The following RALY variants were observed in gnomAD, a reference collection of about 807,000 sequenced individuals.
RALY encodes the protein RALY heterogeneous nuclear ribonucleoprotein, also known as RNA-binding protein Raly.
RALY carries 15 observed loss-of-function variants against 30.7 expected under a neutral mutation model. That is an observed-to-expected ratio of 0.49 (90% CI 0.33 to 0.75). The LOEUF is 0.75. Ranked by LOEUF, RALY falls within the 30% of genes least tolerant of loss-of-function variation. RALY has a pLI of 0.02. For missense variants in RALY, 339 were observed against 414.3 expected (o/e 0.82, Z 1.58); for synonymous variants, 177 against 170.8 (o/e 1.04, Z -0.28).
chr20:33,995,237 G>A (rs1280235918), intron 1 of RALY, among the ~76,000 whole-genome samples: 1 of 152,216 alleles, frequency 6.6e-6, no homozygotes, highest in African/African-American at 2.4e-5. Flanking sequence ...GCAGTTAGAA[G>A]TTGATGGATG....
intron 1 of RALY, among the ~76,000 whole-genome samples, chr20:34,018,731 AAGGT>A (rs2031703049): frequency 6.6e-6 from 1 of 152,108 alleles, no homozygotes; most frequent in Non-Finnish European, 1.5e-5. Context: ...CAAATGCCCC[AAGGT>A]AGGATAGCTG....
chr20:34,057,439 G>A (rs1021337695), intron 2 of RALY, among the ~76,000 whole-genome samples: 11 of 152,050 alleles, frequency 7.2e-5, no homozygotes, highest in Non-Finnish European at 1.5e-4. Context: ...AGGCTGAGGC[G>A]GGCGGATCAC....
intron 1 of RALY, among the ~76,000 whole-genome samples, chr20:34,002,203 A>G (rs2030950579): frequency 1.3e-5 from 2 of 152,222 alleles, no homozygotes; most frequent in Non-Finnish European, 2.9e-5. Flanking sequence ...AGTTGAGCAC[A>G]AGAATAACTT....
chr20:34,025,422 T>C (rs1269539176), intron 1 of RALY, among the ~76,000 whole-genome samples: 1 of 151,956 alleles, frequency 6.6e-6, no homozygotes, highest in East Asian at 1.9e-4. Context: ...CCTCAGCCTC[T>C]GGAGTAGCTG....
Position 34,075,901 on chromosome 20 carries a change from G to A in RALY, c.405G>A (p.Ser135=), listed in dbSNP as rs140889994. 25 of 1,613,766 alleles carry A rather than the reference G, an allele frequency of 1.5e-5. No individual in the cohort carries two copies. Among genetic ancestry groups the A allele is most frequent in the South Asian group, 9.9e-5 (9 of 91,062 alleles). The change falls in exon 6 of 10, where the codon TCG becomes TCA. Residue 135 remains serine, a synonymous_variant. Transcript: ENST00000246194. ...DRLFDYRGRL[S]PVPVPRAVPV... ...TCTTCGACTACCGGGGCCGTCTGTC[G>A]CCCGTGCCAGTGCCCAGGGCGGTCC...
At chr20:34,069,116 T>C (rs552147314) in intron 2 of RALY, among the ~76,000 whole-genome samples, 1 of 152,322 alleles carries the variant, frequency 6.6e-6, no homozygotes, top group Admixed American at 6.5e-5. Flanking sequence ...TCATATGCCA[T>C]GGCTTCTGGC....
At position 33,994,063 on chromosome 20, in the gene RALY, T is replaced by TA. The variant is rs1351126751; in HGVS notation, c.-160dup. 5 of 152,158 alleles carry TA rather than the reference T, an allele frequency of 3.3e-5. No homozygotes were observed. The highest frequency in any genetic ancestry group is 7.2e-5 in the African/African-American group (3 of 41,426). 9.4% of individuals were successfully genotyped at this position (152,158 alleles called of 1,614,324 possible). The stretch of plus-strand genomic sequence containing the variant: ...GCAGCCGCCCTTTTCCTCCCTCCCT[T>TA]ACGTCCCCGAGTGCGGCAGTACCGC... On this transcript the variant is annotated 5_prime_UTR_variant, in exon 1 of 10. Coordinates refer to ENST00000246194, the MANE Select transcript of RALY (RefSeq NM_016732.3).
chr20:34,039,504 TG>T (rs1422896512), intron 2 of RALY, among the ~76,000 whole-genome samples: 2 of 152,222 alleles, frequency 1.3e-5, no homozygotes, highest in African/African-American at 4.8e-5. Context: ...GAAATTTCAT[TG>T]GCCCCTTTTT....
intron 2 of RALY, among the ~76,000 whole-genome samples, chr20:34,046,152 T>C (rs2032872516): frequency 6.6e-6 from 1 of 152,236 alleles, no homozygotes; most frequent in Non-Finnish European, 1.5e-5. Context: ...GCATCCTTGC[T>C]CATGCTATTA....
At chr20:34,034,529 T>G (rs764260010) in intron 2 of RALY, among the ~76,000 whole-genome samples, 1 of 152,208 alleles carries the variant, frequency 6.6e-6, no homozygotes, top group Non-Finnish European at 1.5e-5. Flanking sequence ...TTTTAAAATA[T>G]GAATGATTCC....
intron 2 of RALY, among the ~76,000 whole-genome samples, chr20:34,049,755 T>A (rs2033013356): frequency 6.6e-6 from 1 of 152,224 alleles, no homozygotes; most frequent in Non-Finnish European, 1.5e-5. Context: ...ATGAGGAAAC[T>A]GAGAGAGGTT....
At chr20:34,048,356 T>G (rs2032957391) in intron 2 of RALY, among the ~76,000 whole-genome samples, 1 of 152,154 alleles carries the variant, frequency 6.6e-6, no homozygotes, top group Non-Finnish European at 1.5e-5. Context: ...AGCATATAGC[T>G]GGCTTTGGAA....
chr20:33,995,714 A>T (rs763389254), intron 1 of RALY, among the ~76,000 whole-genome samples: 2 of 152,182 alleles, frequency 1.3e-5, no homozygotes, highest in African/African-American at 2.4e-5. Context: ...ATCTGGTCCA[A>T]CTTTTTCATA....
intron 8 of RALY, 21 bp from the exon 9 acceptor site, chr20:34,078,484 C>T (rs773147361): frequency 5.0e-5 from 78 of 1,569,254 alleles, no homozygotes; most frequent in Non-Finnish European, 6.1e-5. Flanking sequence ...TGTGTGGTCT[C>T]TCTTACCTCC....
intron 2 of RALY, among the ~76,000 whole-genome samples, chr20:34,046,288 G>T (rs1338759013): frequency 6.6e-6 from 1 of 152,138 alleles, no homozygotes; most frequent in Non-Finnish European, 1.5e-5. Flanking sequence ...GTTTGGAGTT[G>T]GATATAGTTG....
chr20:33,995,964 C>T (rs1265809808), intron 1 of RALY, among the ~76,000 whole-genome samples: 1 of 152,154 alleles, frequency 6.6e-6, no homozygotes, highest in Non-Finnish European at 1.5e-5. Context: ...TTTATAGTCC[C>T]CACCCCTTTC....
At chr20:34,047,547 A>G (rs1286668877) in intron 2 of RALY, among the ~76,000 whole-genome samples, 1 of 152,202 alleles carries the variant, frequency 6.6e-6, no homozygotes, top group Non-Finnish European at 1.5e-5. Flanking sequence ...CATCTCTGCC[A>G]TTCAAGACAT....
chr20:34,070,531 A>T (rs1430471684), intron 2 of RALY, among the ~76,000 whole-genome samples: 4 of 152,260 alleles, frequency 2.6e-5, no homozygotes, highest in Admixed American at 2.6e-4. Context: ...TAATATGGGT[A>T]ACTAAAAAAT....
intron 2 of RALY, among the ~76,000 whole-genome samples, chr20:34,049,587 T>C (rs2033007822): frequency 6.6e-6 from 1 of 152,232 alleles, no homozygotes; most frequent in African/African-American, 2.4e-5. Context: ...AAATAACCAC[T>C]GTCCTATGTA....
Sources: gnomAD v4.1 joint callset for allele counts (sites outside exome capture counted in the v4.1 genomes callset) on GRCh38, gnomAD v4.1.1 for gene constraint, MANE v1.5 for transcripts, NCBI Gene and HGNC (gene_info 2026-07-23, HGNC 2026-07-21) for gene names.